Variants in HS3ST4 observed in about 807,000 individuals in gnomAD.
HS3ST4 encodes the protein heparan sulfate glucosamine 3-O-sulfotransferase 4.
A neutral mutation model predicts 29.2 loss-of-function variants in HS3ST4; 17 were observed. The ratio of observed to expected loss-of-function variants is 0.58; its 90% CI spans 0.40 to 0.87. The LOEUF is 0.87. Ranked by LOEUF, HS3ST4 falls within the 40% of genes least tolerant of loss-of-function variation. The pLI is 0.00. For synonymous variants in HS3ST4, 314 were observed against 285.7 expected, an observed-to-expected ratio of 1.10 and a Z score of -1.00; for missense variants, 627 against 634.5, an observed-to-expected ratio of 0.99 and a Z score of 0.13.
chr16:25,880,636 G>A (rs572180279), intron 1 of HS3ST4, among the ~76,000 whole-genome samples: 1 of 152,256 alleles, frequency 6.6e-6, no homozygotes, highest in East Asian at 1.9e-4. Context: ...TGGCACTAAT[G>A]GGCATTTGTC....
intron 1 of HS3ST4, among the ~76,000 whole-genome samples, chr16:25,998,902 A>C (rs1969179502): frequency 6.6e-6 from 1 of 152,228 alleles, no homozygotes; most frequent in Non-Finnish European, 1.5e-5. Flanking sequence ...CTTTGAAAGA[A>C]TGCCATATAA....
intron 1 of HS3ST4, among the ~76,000 whole-genome samples, chr16:26,022,595 C>G (rs190345371): frequency 6.6e-6 from 1 of 151,928 alleles, no homozygotes; most frequent in Admixed American, 6.5e-5. Flanking sequence ...TATTTACAGG[C>G]TGTACAGACA....
chr16:26,017,611 G>A (rs946348118), intron 1 of HS3ST4, among the ~76,000 whole-genome samples: 4 of 152,136 alleles, frequency 2.6e-5, no homozygotes, highest in African/African-American at 9.7e-5. Flanking sequence ...TTTCTAATGA[G>A]GATTTACTGT....
At chr16:25,752,631 C>T (rs1966729592) in intron 1 of HS3ST4, among the ~76,000 whole-genome samples, 1 of 152,194 alleles carries the variant, frequency 6.6e-6, no homozygotes, top group Admixed American at 6.5e-5. Context: ...TGAAACACAG[C>T]TCTCTCTTCA....
At chr16:25,971,888 G>T (rs1435981066) in intron 1 of HS3ST4, among the ~76,000 whole-genome samples, 1 of 152,106 alleles carries the variant, frequency 6.6e-6, no homozygotes, top group Admixed American at 6.6e-5. Context: ...CCAAGATCGT[G>T]CCACTGGACT....
intron 1 of HS3ST4, among the ~76,000 whole-genome samples, chr16:25,912,542 T>C (rs759925338): frequency 5.9e-5 from 9 of 152,156 alleles, no homozygotes; most frequent in Non-Finnish European, 1.3e-4. Context: ...TGAGGTTATT[T>C]CTTCATTTAC....
At chr16:25,743,406 A>G (rs1025159363) in intron 1 of HS3ST4, among the ~76,000 whole-genome samples, 1 of 152,234 alleles carries the variant, frequency 6.6e-6, no homozygotes, top group Non-Finnish European at 1.5e-5. Flanking sequence ...AATGTTAGGT[A>G]TTTATTTTGG....
intron 1 of HS3ST4, among the ~76,000 whole-genome samples, chr16:25,965,496 A>C (rs1968834429): frequency 6.6e-6 from 1 of 152,150 alleles, no homozygotes; most frequent in Admixed American, 6.5e-5. Flanking sequence ...GGTTGTGTGA[A>C]TTCTCAATGT....
chr16:25,702,841 A>G (rs939529441), intron 1 of HS3ST4, among the ~76,000 whole-genome samples: 9 of 152,098 alleles, frequency 5.9e-5, no homozygotes, highest in African/African-American at 2.2e-4. Context: ...CAAGGAGTGG[A>G]TTAAGAGTTG....
At chr16:25,777,710 G>A (rs1966848903) in intron 1 of HS3ST4, among the ~76,000 whole-genome samples, 2 of 152,192 alleles carry the variant, frequency 1.3e-5, no homozygotes. Context: ...AGAAGTTGCA[G>A]TGAGCTGAGA....
chr16:25,946,589 GA>G (rs142772006), intron 1 of HS3ST4, among the ~76,000 whole-genome samples: 140 of 152,306 alleles, frequency 9.2e-4, no homozygotes, highest in African/African-American at 3.2e-3. Flanking sequence ...AGACAAGGGG[GA>G]AAAAAGACCC....
rs566160873 is a variant in HS3ST4 at position 26,082,501 on chromosome 16, T to C, written c.735-53111T>C. ...CTCCACTGTTACTCACTTGGGCACA[T>C]TACCTAACATTTCTGCACCGTTATG... On this transcript the variant is annotated intron_variant, in intron 1 of 1. Coordinates refer to ENST00000331351, the MANE Select transcript of HS3ST4 (RefSeq NM_006040.3). Among the ~76,000 whole-genome samples the C allele has an allele frequency of 2.0e-5, 3 of 152,308 alleles. No individual in the cohort carries two copies. The East Asian group carries it at 5.8e-4, about 29-fold the overall frequency.
chr16:26,032,724 C>G, intron 1 of HS3ST4: 1 of 1,112,376 alleles, frequency 9.0e-7, no homozygotes, highest in Non-Finnish European at 1.4e-6. Flanking sequence ...GCAGGTTTAG[C>G]AGACAACCTC....
intron 1 of HS3ST4, among the ~76,000 whole-genome samples, chr16:25,793,066 ATTTTAGTTTTT>A (rs1186529310): frequency 6.6e-6 from 1 of 151,766 alleles, no homozygotes; most frequent in African/African-American, 2.4e-5. Context: ...CATTTTGGAT[ATTTTAGTTTTT>A]TTCTAGTTTT....
At chr16:26,064,404 C>T (rs1251882223) in intron 1 of HS3ST4, among the ~76,000 whole-genome samples, 2 of 152,108 alleles carry the variant, frequency 1.3e-5, no homozygotes, top group African/African-American at 4.8e-5. Context: ...TGAGCAAAGG[C>T]TCAGAGGGAA....
chr16:25,715,018 T>C (rs986706534), intron 1 of HS3ST4, among the ~76,000 whole-genome samples: 8 of 152,220 alleles, frequency 5.3e-5, no homozygotes, highest in South Asian at 4.1e-4. Flanking sequence ...CTGATAGATA[T>C]AGATTTAGTA....
At chr16:25,770,001 T>C (rs1034146274) in intron 1 of HS3ST4, among the ~76,000 whole-genome samples, 1 of 152,228 alleles carries the variant, frequency 6.6e-6, no homozygotes, top group African/African-American at 2.4e-5. Flanking sequence ...AAAGGATTTT[T>C]TTTACCCCAC....
intron 1 of HS3ST4, among the ~76,000 whole-genome samples, chr16:25,694,454 T>G (rs887951057): frequency 6.6e-6 from 1 of 152,260 alleles, no homozygotes. Flanking sequence ...GCAGCAAATG[T>G]GTCTGTTAAC....
Position 25,924,373 on chromosome 16 carries a change from G to A in HS3ST4, c.735-211239G>A, listed in dbSNP as rs183935185. 3.9e-3 allele frequency among the ~76,000 whole-genome samples: 589 copies of A among 152,238 alleles called. 4 individuals carry two copies. The highest frequency in any genetic ancestry group is 0.014 in the African/African-American group (566 of 41,558). ...AAACAGCCTTTCATCTACCTCCTGT[G>A]TCCTCTGAGGCTCTGCACCGATCCA... is the stretch of plus-strand genomic sequence containing the variant. On this transcript the variant is annotated intron_variant, in intron 1 of 1. Transcript: ENST00000331351.
Sources: allele counts gnomAD v4.1 joint callset (sites outside exome capture counted in the v4.1 genomes callset), GRCh38; gene constraint gnomAD v4.1.1; transcripts MANE v1.5; gene names NCBI Gene and HGNC (gene_info 2026-07-23, HGNC 2026-07-21).